The following CA7 variants were observed in gnomAD, a reference collection of about 807,000 sequenced individuals.
The protein encoded by CA7 is carbonic anhydrase 7.
A neutral mutation model predicts 31.4 loss-of-function variants in CA7; 13 were observed. That is an observed-to-expected ratio of 0.41 (90% CI 0.27 to 0.66). The LOEUF is 0.66. Among genes scored for constraint, CA7 ranks in the 30% least tolerant of loss-of-function variants. CA7 has a pLI of 0.28. For missense variants in CA7, 215 were observed against 351.0 expected (o/e 0.61, Z 3.10); for synonymous variants, 128 against 133.2 (o/e 0.96, Z 0.27).
intron 2 of CA7, 101 bp from the exon 3 acceptor site, chr16:66,850,440 C>CAA: frequency 4.6e-5 from 27 of 589,036 alleles, no homozygotes; most frequent in Non-Finnish European, 5.3e-5. Context: ...GACCCTGACT[C>CAA]AAAAAAAAAA....
intron 1 of CA7, chr16:66,845,372 G>A (rs1960908033): frequency 3.3e-6 from 1 of 302,940 alleles, no homozygotes; most frequent in Non-Finnish European, 4.9e-6. Context: ...GGTGGGGTGC[G>A]GAGAAGAAAA....
chr16:66,844,868 G>GC (rs1895723552), intron 1 of CA7: 3 of 1,055,136 alleles, frequency 2.8e-6, no homozygotes, highest in Non-Finnish European at 2.3e-6. Flanking sequence ...CGTGGGGGTG[G>GC]CCCAGGGCAG....
chr16:66,852,591 A>G (rs866289930), intron 5 of CA7, 121 bp from the exon 6 acceptor site: 4 of 556,796 alleles, frequency 7.2e-6, no homozygotes, highest in South Asian at 6.2e-5. Context: ...GAAAAGAAAA[A>G]AAAAAGAAAA....
Position 66,853,401 on chromosome 16 carries a change from T to A in CA7, c.698T>A (p.Phe233Tyr), listed in dbSNP as rs769909864. 1.9e-6 allele frequency: 3 copies of A among 1,614,122 alleles called. No individual in the cohort carries two copies. Among genetic ancestry groups the A allele is most frequent in the Non-Finnish European group, 2.5e-6 (3 of 1,180,014 alleles). ...ATGGGGAAGTTCCGGAGCCTGCTTT[T>A]TACCTCGGAGGACGATGAGAGGATC... ...RQMGKFRSLLFTSEDDERIHM... is the reference protein window; with the variant it reads ...RQMGKFRSLLYTSEDDERIHM... The change falls in exon 7 of 7, where the codon TTT (phenylalanine) becomes TAT (tyrosine). Residue 233 changes from phenylalanine to tyrosine, a missense_variant. Transcript: ENST00000338437. This position sits in a 1 kb window ranked among gnomAD's most constrained non-coding sequence, Gnocchi z 4.5.
Position 66,844,457 on chromosome 16 carries a change from G to A in CA7, c.-31G>A, listed in dbSNP as rs746310750. 20 of 1,532,720 alleles carry A rather than the reference G, an allele frequency of 1.3e-5. No individual in the cohort carries two copies. The South Asian group carries it at 2.4e-4, about 19-fold the overall frequency. 94.9% of individuals were successfully genotyped at this position (1,532,720 alleles called of 1,614,324 possible). On this transcript the variant is annotated 5_prime_UTR_variant, in exon 1 of 7. Coordinates refer to ENST00000338437, the MANE Select transcript of CA7 (RefSeq NM_005182.3). ...CGAACGAGCGGACCGAGCCGACCGGGCAGGTGCACGGCTGCGGGGACGGCA... is the reference window on the plus strand; with the variant it reads ...CGAACGAGCGGACCGAGCCGACCGGACAGGTGCACGGCTGCGGGGACGGCA...
intron 1 of CA7, 112 bp from the exon 2 acceptor site, chr16:66,846,918 A>C (rs1960940347): frequency 1.2e-6 from 1 of 811,980 alleles, no homozygotes; most frequent in African/African-American, 1.7e-5. Flanking sequence ...GCTCCAATGC[A>C]GGGGCTCACC....
At chr16:66,847,838 G>A (rs1960960537) in intron 2 of CA7, among the ~76,000 whole-genome samples, 1 of 152,170 alleles carries the variant, frequency 6.6e-6, no homozygotes, top group South Asian at 2.1e-4. Context: ...AGGCCAGTGG[G>A]AATTCGTGGC....
In CA7 at chr16:66,847,169, C is replaced by G; in HGVS notation, c.180C>G (p.Ser60Arg). ...CCTATGAGGCCTGCATGTCCCTCAGCATCACCAACAATGGCCACTCTGTCC... is the reference window on the plus strand; with the variant it reads ...CCTATGAGGCCTGCATGTCCCTCAGGATCACCAACAATGGCCACTCTGTCC... ...ELSYEACMSL[S>R]ITNNGHSVQV... The change falls in exon 2 of 7, where the codon AGC (serine) becomes AGG (arginine). Residue 60 changes from serine to arginine, a missense_variant. Transcript: ENST00000338437. The G allele has an allele frequency of 6.2e-7, 1 of 1,614,224 alleles. No homozygotes were observed. The highest frequency in any genetic ancestry group is 1.1e-5 in the South Asian group (1 of 91,092).
chr16:66,847,159 T>C lies in CA7; in HGVS notation c.170T>C (p.Met57Thr), dbSNP rs767213597. 6 of 1,614,214 alleles carry C rather than the reference T, an allele frequency of 3.7e-6. No individual in the cohort carries two copies. Among genetic ancestry groups the C allele is most frequent in the East Asian group, 2.2e-5 (1 of 44,878 alleles). The change falls in exon 2 of 7, where the codon ATG becomes ACG. Residue 57 changes from methionine to threonine, a missense_variant. Coordinates refer to ENST00000338437, the MANE Select transcript of CA7 (RefSeq NM_005182.3). ...QPLELSYEAC[M>T]SLSITNNGHS... ...CTGGAGCTTTCCTATGAGGCCTGCA[T>C]GTCCCTCAGCATCACCAACAATGGC...
chr16:66,851,923 G>C (rs938158270), intron 5 of CA7, among the ~76,000 whole-genome samples, 197 bp downstream of exon 5: 2 of 152,130 alleles, frequency 1.3e-5, no homozygotes, highest in African/African-American at 4.8e-5. Flanking sequence ...CATGAAGCCC[G>C]GCTAGGTATA....
intron 2 of CA7, among the ~76,000 whole-genome samples, chr16:66,849,715 AG>A (rs1447720590): frequency 6.6e-6 from 1 of 152,120 alleles, no homozygotes; most frequent in Non-Finnish European, 1.5e-5. Flanking sequence ...AGCTAGATAG[AG>A]AGCTGTCCTC....
At chr16:66,847,826 A>G (rs1227908406) in intron 2 of CA7, among the ~76,000 whole-genome samples, 1 of 152,194 alleles carries the variant, frequency 6.6e-6, no homozygotes, top group East Asian at 1.9e-4. Context: ...TGGGCCAGTA[A>G]GAGGCCAGTG....
chr16:66,844,949 C>T, intron 1 of CA7: 2 of 1,005,614 alleles, frequency 2.0e-6, no homozygotes, highest in South Asian at 9.3e-5. Context: ...TGAGCGGGGA[C>T]CTCGGGGGAG....
At chr16:66,847,376 C>T (rs1294863868) in intron 2 of CA7, 149 bp downstream of exon 2, 1 of 692,378 alleles carries the variant, frequency 1.4e-6, no homozygotes, top group Non-Finnish European at 2.5e-6. Context: ...TCTTCAGTCT[C>T]CTTATGTATA....
chr16:66,849,904 A>T (rs1961003078), intron 2 of CA7, among the ~76,000 whole-genome samples: 1 of 152,192 alleles, frequency 6.6e-6, no homozygotes, highest in South Asian at 2.1e-4. Flanking sequence ...AGATCACCTA[A>T]GGTTGGGAGT....
chr16:66,852,738 C>T lies in CA7; in HGVS notation c.543C>T (p.Phe181=). The part of the protein sequence containing the change: ...FKGTKAQFSC[F]NPKCLLPASR... ...GCACCAAAGCCCAGTTCAGCTGCTT[C>T]AACCCCAAGTGCCTCCTGCCTGCCA... Residue 181 remains phenylalanine, a synonymous_variant, in exon 6 of 7, where the codon TTC becomes TTT. Coordinates refer to ENST00000338437, the MANE Select transcript of CA7 (RefSeq NM_005182.3). 1 of 1,613,880 alleles carries T rather than the reference C, an allele frequency of 6.2e-7. No homozygotes were observed. The highest frequency in any genetic ancestry group is 8.5e-7 in the Non-Finnish European group (1 of 1,179,848).
rs1961106109 is a variant in CA7, at chr16:66,853,278, T to A, written c.673-98T>A. ...CCCTAAGGGAAGGAGGAGGGAGGGGTAGAGCTGGCTGGGCAGGTATGCCAG... is the reference window on the plus strand; with the variant it reads ...CCCTAAGGGAAGGAGGAGGGAGGGGAAGAGCTGGCTGGGCAGGTATGCCAG... On this transcript the variant is annotated intron_variant, in intron 6 of 6. Transcript: ENST00000338437. This position sits in a 1 kb window ranked among gnomAD's most constrained non-coding sequence, Gnocchi z 4.5. 6.8e-7 allele frequency: 1 copy of A among 1,466,122 alleles called. No homozygotes were observed. Among genetic ancestry groups the A allele is most frequent in the Admixed American group, 1.7e-5 (1 of 57,442 alleles). 90.8% of individuals were successfully genotyped at this position (1,466,122 alleles called of 1,614,324 possible). A position where few individuals can be genotyped will look rare whatever the true frequency, so the allele number is the denominator to read the frequency against.
intron 3 of CA7, among the ~76,000 whole-genome samples, chr16:66,851,225 G>C (rs907522321): frequency 2.0e-5 from 3 of 152,222 alleles, no homozygotes; most frequent in Non-Finnish European, 2.9e-5. Flanking sequence ...CAGGGCTTGG[G>C]CCAGATTCCT....
In CA7 at chr16:66,852,857, C is replaced by A; in HGVS notation, c.662C>A (p.Ser221Tyr). ...GTGCTCCGGGAGCCCATCTGCATCT[C>A]TGAAAGGCAGGTGAGTCCTCTCAGA... ...WIVLREPICISERQMGKFRSL... is the reference protein window; with the variant it reads ...WIVLREPICIYERQMGKFRSL... Residue 221 changes from serine (S) to tyrosine (Y), a missense_variant, in exon 6 of 7, where the codon TCT (serine) becomes TAT (tyrosine). Physicochemically the swap from Ser to Tyr is moderately radical, Grantham distance 144. Transcript: ENST00000338437. The A allele has an allele frequency of 6.2e-7, 1 of 1,613,408 alleles. No homozygotes were observed. Among genetic ancestry groups the A allele is most frequent in the Non-Finnish European group, 8.5e-7 (1 of 1,179,586 alleles).
Sources: gnomAD v4.1 joint callset for allele counts (sites outside exome capture counted in the v4.1 genomes callset) on GRCh38, gnomAD v4.1.1 for gene constraint, Gnocchi (gnomAD v3.1) non-coding constraint, MANE v1.5 for transcripts, NCBI Gene and HGNC (gene_info 2026-07-23, HGNC 2026-07-21) for gene names.